The following NECAP1 variants were observed in gnomAD, a reference collection of about 807,000 sequenced individuals.
The protein encoded by NECAP1 is NECAP endocytosis associated 1.
Under a neutral mutation model 33.4 loss-of-function variants are expected in NECAP1, and 13 were observed. The observed-to-expected ratio is 0.39, with a 90% CI of 0.25 to 0.62. The LOEUF is 0.62. Among genes scored for constraint, NECAP1 ranks in the 20% least tolerant of loss-of-function variants. The pLI is 0.52. For missense variants in NECAP1, 272 were observed against 347.4 expected (o/e 0.78, Z 1.73); for synonymous variants, 109 against 125.2 (o/e 0.87, Z 0.86).
chr12:8,087,420 A>C (rs1346930542), intron 1 of NECAP1, among the ~76,000 whole-genome samples: 1 of 151,752 alleles, frequency 6.6e-6, no homozygotes, highest in East Asian at 1.9e-4. Flanking sequence ...TGCTGCCATG[A>C]ATATCCATTT....
At position 8,090,016 on chromosome 12, in the gene NECAP1, A is replaced by G. The variant is rs1298350928; in HGVS notation, c.176A>G (p.Lys59Arg). The change falls in exon 2 of 8, where the codon AAA becomes AGA. Residue 59 changes from lysine to arginine, a missense_variant. Physicochemically the swap from Lys to Arg is conservative, Grantham distance 26. Coordinates refer to ENST00000339754, the MANE Select transcript of NECAP1 (RefSeq NM_015509.4). ...ITSKGKTAYI[K>R]LEDKVSGELF... ...TCAAAAGGGAAGACTGCCTATATCAAACTCGAGGATAAAGTTTCAGGTAAT... is the reference window on the plus strand; with the variant it reads ...TCAAAAGGGAAGACTGCCTATATCAGACTCGAGGATAAAGTTTCAGGTAAT... 6.2e-7 allele frequency: 1 copy of G among 1,613,936 alleles called. No individual in the cohort carries two copies. Among genetic ancestry groups the G allele is most frequent in the African/African-American group, 1.3e-5 (1 of 74,938 alleles).
chr12:8,091,349 A>G (rs1164555496), intron 3 of NECAP1: 1 of 171,072 alleles, frequency 5.8e-6, no homozygotes, highest in African/African-American at 2.4e-5. Context: ...TATTTCTATT[A>G]TTATTACATT....
intron 1 of NECAP1, among the ~76,000 whole-genome samples, chr12:8,083,421 C>CTTT (rs71042328): frequency 0.011 from 743 of 65,856 alleles, 82 homozygotes; most frequent in Non-Finnish European, 0.017. Context: ...TTTGTTTGTT[C>CTTT]TTTTTTTTTT....
intron 1 of NECAP1, among the ~76,000 whole-genome samples, chr12:8,084,607 A>C (rs779018330): frequency 1.3e-5 from 2 of 151,326 alleles, no homozygotes; most frequent in Non-Finnish European, 2.9e-5. Context: ...ATGCGTTCTC[A>C]CTGTTCAACT....
intron 3 of NECAP1, chr12:8,090,621 CA>C (rs779886941): frequency 3.6e-5 from 8 of 220,954 alleles, no homozygotes; most frequent in Non-Finnish European, 5.6e-5. Flanking sequence ...CCAGCCTGAC[CA>C]ATATGATGAA....
At chr12:8,091,720 C>T (rs1947546291) in intron 3 of NECAP1, 49 bp from the exon 4 acceptor site, 4 of 1,568,132 alleles carry the variant, frequency 2.6e-6, no homozygotes, top group African/African-American at 2.7e-5. Context: ...GTTGGGGGCT[C>T]CTGCCATAGA....
At position 8,092,916 on chromosome 12, in the gene NECAP1, A is replaced by G. The variant is rs771192625; in HGVS notation, c.537A>G (p.Ala179=). ...KKGGASKPRT[A]RGGGLSLLPP... The stretch of plus-strand genomic sequence containing the variant: ...GAGGTGCTTCTAAGCCCAGGACTGC[A>G]AGGGGTGGGGGTCTGAGCTTACTCC... Residue 179 remains alanine, a synonymous_variant, in exon 6 of 8, where the codon GCA becomes GCG. Coordinates refer to ENST00000339754, the MANE Select transcript of NECAP1 (RefSeq NM_015509.4). The G allele has an allele frequency of 1.3e-6, 2 of 1,586,282 alleles. No individual in the cohort carries two copies. The highest frequency in any genetic ancestry group is 1.7e-6 in the Non-Finnish European group (2 of 1,167,900).
chr12:8,082,656 C>T (rs1442575789), intron 1 of NECAP1: 1 of 429,336 alleles, frequency 2.3e-6, no homozygotes, highest in Non-Finnish European at 4.3e-6. Flanking sequence ...CCCTGGGGCA[C>T]CCATCTGCTC....
chr12:8,092,348 G>C, intron 4 of NECAP1: 1 of 277,652 alleles, frequency 3.6e-6, no homozygotes, highest in South Asian at 5.1e-5. Flanking sequence ...AAAGCTAAGA[G>C]CAAGCTTTAA....
intron 1 of NECAP1, among the ~76,000 whole-genome samples, chr12:8,083,421 CTTTTTTTTTTTTTTTTT>C (rs71042328): frequency 3.0e-5 from 2 of 65,840 alleles, no homozygotes; most frequent in African/African-American, 6.3e-5. Context: ...TTTGTTTGTT[CTTTTTTTTTTTTTTTTT>C]TTTTTTTTTG....
intron 1 of NECAP1, among the ~76,000 whole-genome samples, chr12:8,086,080 T>G (rs746909487): frequency 6.6e-6 from 1 of 152,220 alleles, no homozygotes; most frequent in Non-Finnish European, 1.5e-5. Context: ...GGTTTTCTTT[T>G]TGTTTGCATA....
intron 4 of NECAP1, chr12:8,092,404 A>G (rs969396154): frequency 1.1e-5 from 4 of 377,554 alleles, no homozygotes; most frequent in African/African-American, 4.2e-5. Context: ...GCAGCCCTCA[A>G]CTGTGGGGAA....
In NECAP1 at chr12:8,092,948, C is replaced by T. The variant is rs764080699; in HGVS notation, c.569C>T (p.Pro190Leu). Residue 190 changes from proline (P) to leucine (L), a missense_variant, in exon 6 of 8, where the codon CCG becomes CTG. Coordinates refer to ENST00000339754, the MANE Select transcript of NECAP1 (RefSeq NM_015509.4). The part of the protein sequence containing the change: ...RGGGLSLLPP[P>L]PGGKVTIPPP... The stretch of plus-strand genomic sequence containing the variant: ...GGGGGTCTGAGCTTACTCCCACCCC[C>T]GCCAGGAGGCAAAGTCACTATTCCC... 3.7e-5 allele frequency: 59 copies of T among 1,606,138 alleles called. No homozygotes were observed. The highest frequency in any genetic ancestry group is 4.7e-5 in the Non-Finnish European group (55 of 1,176,314).
Position 8,089,946 on chromosome 12 carries a change from T to C in NECAP1, c.106T>C (p.Trp36Arg). Residue 36 changes from tryptophan (W) to arginine (R), a missense_variant, in exon 2 of 8, where the codon TGG (tryptophan) becomes CGG (arginine). By Grantham distance (101) the Trp-to-Arg change is moderately radical. Transcript: ENST00000339754. Reference protein sequence around the residue: ...ASNRGYRASDWKLDQPDWTGR... With the variant: ...ASNRGYRASDRKLDQPDWTGR... ...CTTTTCCTGTCCTAGGGCCTCTGAC[T>C]GGAAATTAGACCAGCCTGATTGGAC... 1 of 1,614,054 alleles carries C rather than the reference T, an allele frequency of 6.2e-7. No individual in the cohort carries two copies. The highest frequency in any genetic ancestry group is 8.5e-7 in the Non-Finnish European group (1 of 1,179,888).
In NECAP1 at chr12:8,096,147, A is replaced by G; in HGVS notation, c.*57A>G. ...GAGGAATAAAAATGACCTTGAGGGCACCAATCTGTGAGGGAAGTTAGGAAC... is the reference window on the plus strand; with the variant it reads ...GAGGAATAAAAATGACCTTGAGGGCGCCAATCTGTGAGGGAAGTTAGGAAC... On this transcript the variant is annotated 3_prime_UTR_variant, in exon 8 of 8. Coordinates refer to ENST00000339754, the MANE Select transcript of NECAP1 (RefSeq NM_015509.4). 1.3e-6 allele frequency: 2 copies of G among 1,558,750 alleles called. No individual in the cohort carries two copies. The highest frequency in any genetic ancestry group is 1.8e-6 in the Non-Finnish European group (2 of 1,136,956).
At position 8,092,905 on chromosome 12, in the gene NECAP1, C is replaced by T. The variant is rs1263957274; in HGVS notation, c.526C>T (p.Pro176Ser). 1.3e-6 allele frequency: 2 copies of T among 1,583,058 alleles called. No individual in the cohort carries two copies. Among genetic ancestry groups the T allele is most frequent in the Non-Finnish European group, 1.7e-6 (2 of 1,166,150 alleles). Residue 176 changes from proline (P) to serine (S), a missense_variant, in exon 6 of 8, where the codon CCC (proline) becomes TCC (serine). Pro to Ser is a moderately conservative substitution (Grantham distance 74). Coordinates refer to ENST00000339754, the MANE Select transcript of NECAP1 (RefSeq NM_015509.4). ...AAACAAGAAAGGAGGTGCTTCTAAGCCCAGGACTGCAAGGGGTGGGGGTCT... is the reference window on the plus strand; with the variant it reads ...AAACAAGAAAGGAGGTGCTTCTAAGTCCAGGACTGCAAGGGGTGGGGGTCT... ...ITNKKGGASKPRTARGGGLSL... is the reference protein window; with the variant it reads ...ITNKKGGASKSRTARGGGLSL...
At chr12:8,083,193 G>A (rs929089057) in intron 1 of NECAP1, among the ~76,000 whole-genome samples, 1 of 151,984 alleles carries the variant, frequency 6.6e-6, no homozygotes, top group African/African-American at 2.4e-5. Context: ...ACATTATGTA[G>A]TTGAAAGACA....
chr12:8,088,822 G>A (rs928681791), intron 1 of NECAP1: 21 of 152,138 alleles, frequency 1.4e-4, no homozygotes, highest in African/African-American at 4.8e-4. Flanking sequence ...AACATGCCAG[G>A]CATGCCCCCA....
At position 8,092,979 on chromosome 12, in the gene NECAP1, A is replaced by G. The variant is rs1947563627; in HGVS notation, c.600A>G (p.Pro200=). The part of the protein sequence containing the change: ...PPGGKVTIPP[P]SSSVAISNHV... ...GAGGCAAAGTCACTATTCCCCCACCATCCTCCTCAGTTGCCATCAGCAATC... is the reference window on the plus strand; with the variant it reads ...GAGGCAAAGTCACTATTCCCCCACCGTCCTCCTCAGTTGCCATCAGCAATC... The change falls in exon 6 of 8, where the codon CCA becomes CCG. Residue 200 remains proline (P), a synonymous_variant. Coordinates refer to ENST00000339754, the MANE Select transcript of NECAP1 (RefSeq NM_015509.4). The G allele has an allele frequency of 3.7e-6, 6 of 1,613,136 alleles. No homozygotes were observed. Among genetic ancestry groups the G allele is most frequent in the Non-Finnish European group, 4.2e-6 (5 of 1,179,608 alleles).
Sources: allele counts gnomAD v4.1 joint callset (sites outside exome capture counted in the v4.1 genomes callset), GRCh38; gene constraint gnomAD v4.1.1; transcripts MANE v1.5; gene names NCBI Gene and HGNC (gene_info 2026-07-23, HGNC 2026-07-21).